Variants in SLC7A14 observed in about 807,000 individuals in gnomAD.
SLC7A14 encodes the protein solute carrier family 7 member 14, also known as gamma-aminobutyric acid transporter SLC7A14.
SLC7A14 carries 37 observed loss-of-function variants against 60.2 expected under a neutral mutation model. The ratio of observed to expected loss-of-function variants is 0.61; its 90% CI spans 0.47 to 0.81. The LOEUF (loss-of-function observed/expected upper bound fraction) is 0.81, where lower values mean the gene tolerates loss of function less well. Ranked by LOEUF, SLC7A14 falls within the 30% of genes least tolerant of loss-of-function variation. The probability of loss-of-function intolerance (pLI) is 0.00; values close to 1 mark genes in which losing one functional copy is unlikely to be tolerated. For synonymous variants in SLC7A14, 399 were observed against 395.8 expected (o/e 1.01, Z -0.10); for missense variants, 886 against 982.7 (o/e 0.90, Z 1.32).
chr3:170,503,021 T>A (rs1049133659), intron 2 of SLC7A14: 1 of 152,264 alleles, frequency 6.6e-6, no homozygotes, highest in Admixed American at 6.5e-5. Context: ...CAAAATCTGT[T>A]GAGCACAGCT....
chr3:170,567,249 A>C (rs1396906772), intron 1 of SLC7A14, among the ~76,000 whole-genome samples: 3 of 149,276 alleles, frequency 2.0e-5, no homozygotes, highest in Non-Finnish European at 4.4e-5. Flanking sequence ...ATGAGTGAGA[A>C]TATGCGGTGT....
intron 1 of SLC7A14, among the ~76,000 whole-genome samples, chr3:170,528,426 G>C (rs902299398): frequency 1.3e-5 from 2 of 152,162 alleles, no homozygotes; most frequent in African/African-American, 4.8e-5. Flanking sequence ...ATAGCCAGAC[G>C]TTGATTCCAA....
At chr3:170,472,167 G>A (rs1307740528) in intron 7 of SLC7A14, among the ~76,000 whole-genome samples, 5 of 150,884 alleles carry the variant, frequency 3.3e-5, no homozygotes, top group African/African-American at 9.7e-5. Flanking sequence ...TCAGGAGTTC[G>A]AGTCCAGCCT....
intron 1 of SLC7A14, among the ~76,000 whole-genome samples, chr3:170,564,546 G>A (rs1714742517): frequency 6.6e-6 from 1 of 152,198 alleles, no homozygotes; most frequent in Non-Finnish European, 1.5e-5. Flanking sequence ...TGAAGTTTAT[G>A]TTTTAGCAGT....
At chr3:170,481,242 A>T in intron 6 of SLC7A14, 76 bp from the exon 7 acceptor site, 3 of 1,458,960 alleles carry the variant, frequency 2.1e-6, no homozygotes, top group Non-Finnish European at 2.8e-6. Flanking sequence ...ATAGGGAGCT[A>T]GAACTATCAA....
At chr3:170,502,128 A>G (rs1337271234) in intron 2 of SLC7A14, among the ~76,000 whole-genome samples, 1 of 152,234 alleles carries the variant, frequency 6.6e-6, no homozygotes, top group Non-Finnish European at 1.5e-5. Flanking sequence ...AAGGTGGAAC[A>G]TGAGGCAAAG....
intron 4 of SLC7A14, among the ~76,000 whole-genome samples, chr3:170,491,788 A>G (rs918295206): frequency 6.6e-6 from 1 of 152,020 alleles, no homozygotes; most frequent in Non-Finnish European, 1.5e-5. Context: ...AGTATTTCCC[A>G]CTGGCTAAAT....
chr3:170,493,108 A>C (rs1021741443), intron 4 of SLC7A14, among the ~76,000 whole-genome samples: 1 of 152,252 alleles, frequency 6.6e-6, no homozygotes, highest in Non-Finnish European at 1.5e-5. Context: ...AAAAACTATA[A>C]GATAGTATCA....
intron 1 of SLC7A14, among the ~76,000 whole-genome samples, chr3:170,565,371 G>C (rs908529690): frequency 3.3e-5 from 5 of 152,162 alleles, no homozygotes; most frequent in Admixed American, 1.3e-4. Context: ...CTGCTGATCT[G>C]CTGGATTTGA....
Position 170,480,407 on chromosome 3 carries a change from C to T in SLC7A14, c.1875G>A (p.Leu625=), listed in dbSNP as rs747682572. The change falls in exon 7 of 8, where the codon CTG becomes CTA. Residue 625 remains leucine (L), a synonymous_variant. Transcript: ENST00000231706. ...ILQQPENPKK[L]PYMAPCLPFV... ...AGGGGAGGCAAGGGGCCATGTAGGG[C>T]AGCTTCTTGGGGTTCTCTGGCTGCT... 12 of 1,613,150 alleles carry T rather than the reference C, an allele frequency of 7.4e-6. No homozygotes were observed. Among genetic ancestry groups the T allele is most frequent in the Non-Finnish European group, 3.4e-6 (4 of 1,179,434 alleles).
rs1335392883 is a variant in SLC7A14, at chr3:170,480,566, G to A, written c.1716C>T (p.Leu572=). The part of the protein sequence containing the change: ...GHTVTICVLL[L]FILMFIFCSF... ...AGCAGAAGATGAACATGAGGATGAAGAGCAGGAGCACGCAGATGGTCACCG... is the reference window on the plus strand; with the variant it reads ...AGCAGAAGATGAACATGAGGATGAAAAGCAGGAGCACGCAGATGGTCACCG... The change falls in exon 7 of 8, where the codon CTC becomes CTT. Residue 572 remains leucine (L), a synonymous_variant. Transcript: ENST00000231706. 1.2e-5 allele frequency: 19 copies of A among 1,614,234 alleles called. No individual in the cohort carries two copies. The highest frequency in any genetic ancestry group is 4.4e-5 in the South Asian group (4 of 91,088).
intron 6 of SLC7A14, among the ~76,000 whole-genome samples, chr3:170,481,919 G>A (rs142384691): frequency 6.1e-4 from 93 of 152,258 alleles, no homozygotes; most frequent in African/African-American, 2.0e-3. Context: ...TGTTAGAAAT[G>A]TATATTCTCA....
intron 7 of SLC7A14, among the ~76,000 whole-genome samples, chr3:170,476,325 T>C (rs1354644545): frequency 6.6e-6 from 1 of 152,222 alleles, no homozygotes; most frequent in East Asian, 1.9e-4. Flanking sequence ...CTAAAGCAGT[T>C]AGCAGCAGGT....
At position 170,467,143 on chromosome 3, in the gene SLC7A14, G is replaced by C; in HGVS notation, c.2228C>G (p.Thr743Arg). ...QMSDAKANGRTSSKAKSKSKH... is the reference protein window; with the variant it reads ...QMSDAKANGRRSSKAKSKSKH... Reference sequence around the variant, plus strand: ...GCTTTTGCTCTTCGCTTTGCTACTTGTCCGGCCGTTTGCCTTCGCATCTGA... The same window carrying C: ...GCTTTTGCTCTTCGCTTTGCTACTTCTCCGGCCGTTTGCCTTCGCATCTGA... Residue 743 changes from threonine (T) to arginine (R), a missense_variant, in exon 8 of 8, where the codon ACA (threonine) becomes AGA (arginine). Thr to Arg is a moderately conservative substitution (Grantham distance 71). Coordinates refer to ENST00000231706, the MANE Select transcript of SLC7A14 (RefSeq NM_020949.3). 2 of 1,614,236 alleles carry C rather than the reference G, an allele frequency of 1.2e-6. No individual in the cohort carries two copies. The highest frequency in any genetic ancestry group is 1.7e-6 in the Non-Finnish European group (2 of 1,180,044).
chr3:170,513,227 G>A (rs1861940), intron 2 of SLC7A14, among the ~76,000 whole-genome samples: 68,722 of 151,758 alleles, frequency 0.45, 16,279 homozygotes, highest in South Asian at 0.58. Flanking sequence ...AGTGCCCTTG[G>A]CTGAGCTTAT....
intron 1 of SLC7A14, among the ~76,000 whole-genome samples, chr3:170,534,189 C>G (rs1163939077): frequency 6.6e-6 from 1 of 152,160 alleles, no homozygotes; most frequent in African/African-American, 2.4e-5. Context: ...GACAGTGGAT[C>G]GGCTTCAGAT....
chr3:170,475,772 G>T (rs767243457), intron 7 of SLC7A14, among the ~76,000 whole-genome samples: 4 of 152,070 alleles, frequency 2.6e-5, no homozygotes, highest in Non-Finnish European at 4.4e-5. Context: ...GAGTGCAGTG[G>T]CATAATCTTG....
At position 170,506,898 on chromosome 3, in the gene SLC7A14, A is replaced by T. The variant is rs368845862; in HGVS notation, c.305-5553T>A. Among the ~76,000 whole-genome samples the T allele has an allele frequency of 1.5e-4, 23 of 152,310 alleles. No individual in the cohort carries two copies. The East Asian group carries it at 4.4e-3, about 29-fold the overall frequency. ...AGCTTTTCCACTTAAGGGGTAAGTT[A>T]TTGGGGGTACAGTTTATATAATATG... On this transcript the variant is annotated intron_variant, in intron 2 of 7. Transcript: ENST00000231706.
Position 170,586,075 on chromosome 3 carries a change from T to G in SLC7A14, c.-317A>C, listed in dbSNP as rs561513769. ...TGAACAGCTCCTCAATTATTCAGAT[T>G]GGGCCCCCACCCCCCGAACCCCTCC... On this transcript the variant is annotated 5_prime_UTR_variant, in exon 1 of 8. Transcript: ENST00000231706. The G allele has an allele frequency of 1.3e-5, 2 of 152,364 alleles. No individual in the cohort carries two copies. Among genetic ancestry groups the G allele is most frequent in the Non-Finnish European group, 2.9e-5 (2 of 68,504 alleles). 9.4% of individuals were successfully genotyped at this position (152,364 alleles called of 1,614,324 possible).
Sources: allele counts gnomAD v4.1 joint callset (sites outside exome capture counted in the v4.1 genomes callset), GRCh38; gene constraint gnomAD v4.1.1; transcripts MANE v1.5; gene names NCBI Gene and HGNC (gene_info 2026-07-23, HGNC 2026-07-21).